Variants in CADM1 observed in about 807,000 individuals in gnomAD.
The protein encoded by CADM1 is cell adhesion molecule 1.
CADM1 carries 15 observed loss-of-function variants against 53.1 expected under a neutral mutation model. That is an observed-to-expected ratio of 0.28 (90% CI 0.19 to 0.44). The LOEUF (loss-of-function observed/expected upper bound fraction) is 0.44. CADM1 is among the 20% of genes least tolerant of loss of function. CADM1 has a pLI of 1.00. For synonymous variants in CADM1, 281 were observed against 243.0 expected (o/e 1.16, Z -1.45); for missense variants, 434 against 611.3 (o/e 0.71, Z 3.06).
intron 8 of CADM1, among the ~76,000 whole-genome samples, chr11:115,199,292 C>A (rs1406799147): frequency 3.9e-5 from 6 of 152,222 alleles, no homozygotes; most frequent in Non-Finnish European, 5.9e-5. Context: ...ACCACGTTCA[C>A]CATTCTGAGG....
intron 1 of CADM1, among the ~76,000 whole-genome samples, chr11:115,502,551 C>T (rs1949752051): frequency 1.3e-5 from 2 of 151,898 alleles, no homozygotes; most frequent in African/African-American, 4.8e-5. Flanking sequence ...ATCGGCTGAA[C>T]CCAATTATCT....
chr11:115,502,736 C>G (rs1441694125), intron 1 of CADM1, among the ~76,000 whole-genome samples: 1 of 152,166 alleles, frequency 6.6e-6, no homozygotes, highest in Non-Finnish European at 1.5e-5. Flanking sequence ...AGCAGCCAAC[C>G]CGGCGTCCCC....
At chr11:115,380,406 G>A (rs758161496) in intron 1 of CADM1, among the ~76,000 whole-genome samples, 26 of 152,056 alleles carry the variant, frequency 1.7e-4, no homozygotes, top group Non-Finnish European at 3.4e-4. Flanking sequence ...ATCAGTGTAC[G>A]TGATCCCATT....
intron 3 of CADM1, among the ~76,000 whole-genome samples, chr11:115,234,893 CAAAAAAAAAAAAAA>C (rs57197514): frequency 2.7e-5 from 2 of 75,388 alleles, no homozygotes; most frequent in South Asian, 6.6e-4. Flanking sequence ...ACTCCGTCTC[CAAAAAAAAAAAAAA>C]AAAAAAAAAA....
chr11:115,262,680 A>G (rs1421953485), intron 1 of CADM1, among the ~76,000 whole-genome samples: 1 of 152,236 alleles, frequency 6.6e-6, no homozygotes, highest in Non-Finnish European at 1.5e-5. Flanking sequence ...CTGGCAACAA[A>G]TACTTCTTGA....
chr11:115,323,213 T>C (rs887568305), intron 1 of CADM1, among the ~76,000 whole-genome samples: 2 of 152,200 alleles, frequency 1.3e-5, no homozygotes, highest in Admixed American at 6.6e-5. Context: ...TTCATGCTTA[T>C]TGATGATGTG....
intron 1 of CADM1, among the ~76,000 whole-genome samples, chr11:115,360,619 C>G (rs1445851020): frequency 6.6e-6 from 1 of 152,188 alleles, no homozygotes; most frequent in Non-Finnish European, 1.5e-5. Context: ...CTAATGGCCA[C>G]AAGCAGCATT....
At chr11:115,492,739 T>C (rs1949525245) in intron 1 of CADM1, among the ~76,000 whole-genome samples, 1 of 151,976 alleles carries the variant, frequency 6.6e-6, no homozygotes, top group Non-Finnish European at 1.5e-5. Flanking sequence ...AAAACACAAA[T>C]AAGGAATGGG....
chr11:115,479,474 C>T (rs1385580012), intron 1 of CADM1, among the ~76,000 whole-genome samples: 1 of 151,924 alleles, frequency 6.6e-6, no homozygotes, highest in Non-Finnish European at 1.5e-5. Flanking sequence ...GAACCCAACC[C>T]AAAAAAACGT....
chr11:115,222,163 A>G (rs559948825), intron 5 of CADM1, among the ~76,000 whole-genome samples: 2 of 152,280 alleles, frequency 1.3e-5, no homozygotes, highest in South Asian at 2.1e-4. Flanking sequence ...AGCACAGATG[A>G]TATCAGAATG....
intron 1 of CADM1, among the ~76,000 whole-genome samples, chr11:115,259,746 A>G (rs1269282304): frequency 6.6e-6 from 1 of 152,106 alleles, no homozygotes; most frequent in Non-Finnish European, 1.5e-5. Flanking sequence ...CTTTCCTCCA[A>G]ACACTGTCCA....
chr11:115,385,898 C>A (rs1439926207), intron 1 of CADM1, among the ~76,000 whole-genome samples: 1 of 152,212 alleles, frequency 6.6e-6, no homozygotes, highest in Non-Finnish European at 1.5e-5. Flanking sequence ...TCCCTAGACT[C>A]TACCTTTCTA....
intron 1 of CADM1, among the ~76,000 whole-genome samples, chr11:115,402,741 T>C (rs1021495680): frequency 3.9e-5 from 6 of 152,172 alleles, no homozygotes; most frequent in African/African-American, 1.4e-4. Flanking sequence ...AACTCCAAGT[T>C]TGACTACATA....
Position 115,340,625 on chromosome 11 carries a change from A to ATT in CADM1, c.125-100207_125-100206dup, listed in dbSNP as rs1246163987. 3.7e-3 allele frequency among the ~76,000 whole-genome samples: 237 copies of ATT among 64,134 alleles called. 6 individuals carry two copies. The highest frequency in any genetic ancestry group is 0.015 in the African/African-American group (214 of 14,730). 42.1% of individuals were successfully genotyped at this position (64,134 alleles called of 152,430 possible). A position where few individuals can be genotyped will look rare whatever the true frequency, so the allele number is the denominator to read the frequency against. On this transcript the variant is annotated intron_variant, in intron 1 of 11. Coordinates refer to ENST00000331581, the MANE Select transcript of CADM1 (RefSeq NM_001301043.2). ...AGTGGAGTCACACAACATAATAAAT[A>ATT]TTATATATATATATATATATATATA...
intron 1 of CADM1, among the ~76,000 whole-genome samples, chr11:115,498,923 A>C (rs1456703458): frequency 1.3e-5 from 2 of 152,204 alleles, no homozygotes; most frequent in East Asian, 3.8e-4. Flanking sequence ...CACAGAGGGG[A>C]TAGAGCGACC....
intron 1 of CADM1, among the ~76,000 whole-genome samples, chr11:115,276,865 T>C (rs1358806042): frequency 2.6e-5 from 4 of 152,148 alleles, no homozygotes; most frequent in African/African-American, 7.2e-5. Flanking sequence ...AAAACCCTTA[T>C]TTTCCTGCCC....
At chr11:115,287,273 C>T (rs540872874) in intron 1 of CADM1, 1 of 152,196 alleles carries the variant, frequency 6.6e-6, no homozygotes, top group African/African-American at 2.4e-5. Context: ...CTAACACCTG[C>T]CTCCATGGGG....
At chr11:115,378,530 GA>G (rs1284276361) in intron 1 of CADM1, among the ~76,000 whole-genome samples, 2 of 151,970 alleles carry the variant, frequency 1.3e-5, no homozygotes, top group African/African-American at 4.8e-5. Flanking sequence ...ATATAAATAA[GA>G]AAACTAAAAT....
chr11:115,400,661 GTATATATATA>G (rs372594262), intron 1 of CADM1, among the ~76,000 whole-genome samples: 744 of 46,362 alleles, frequency 0.016, 8 homozygotes, highest in Middle Eastern at 0.031. Context: ...GTGTGTGTGT[GTATATATATA>G]TATATATATA....
Sources: allele counts gnomAD v4.1 joint callset (sites outside exome capture counted in the v4.1 genomes callset), GRCh38; gene constraint gnomAD v4.1.1; transcripts MANE v1.5; gene names NCBI Gene and HGNC (gene_info 2026-07-23, HGNC 2026-07-21).